Variants in DPP10 observed in about 807,000 individuals in gnomAD.
DPP10 encodes the protein dipeptidyl peptidase like 10.
A neutral mutation model predicts 120.9 loss-of-function variants in DPP10; 33 were observed. That is an observed-to-expected ratio of 0.27 (90% CI 0.21 to 0.37). The LOEUF (loss-of-function observed/expected upper bound fraction) is 0.37. Among genes scored for constraint, DPP10 ranks in the 10% least tolerant of loss-of-function variants. The pLI, the probability that DPP10 is intolerant of heterozygous loss-of-function variation, is 1.00. For missense variants in DPP10, 816 were observed against 942.8 expected (o/e 0.87, Z 1.76); for synonymous variants, 337 against 326.1 (o/e 1.03, Z -0.36).
intron 1 of DPP10, among the ~76,000 whole-genome samples, chr2:115,239,961 C>T (rs2058193662): frequency 1.3e-5 from 2 of 152,160 alleles, no homozygotes; most frequent in Non-Finnish European, 2.9e-5. Context: ...CATAGTATTC[C>T]ATGGTGAATA....
Position 115,770,244 on chromosome 2 carries a change from C to T in DPP10, c.1221+1840C>T, listed in dbSNP as rs1276843665. Among the ~76,000 whole-genome samples the T allele has an allele frequency of 1.3e-5, 2 of 152,104 alleles. 1 individual carries two copies. Among genetic ancestry groups the T allele is most frequent in the South Asian group, 4.1e-4 (2 of 4,828 alleles). Reference sequence around the variant, plus strand: ...ACATGCAGGAATTAAAATATTTATACACCCAAACCAAGAATTTTTTTATAA... The same window carrying T: ...ACATGCAGGAATTAAAATATTTATATACCCAAACCAAGAATTTTTTTATAA... On this transcript the variant is annotated intron_variant, in intron 13 of 25. Coordinates refer to ENST00000410059, the MANE Select transcript of DPP10 (RefSeq NM_020868.6).
At chr2:114,720,713 G>T (rs1701650605) in intron 1 of DPP10, among the ~76,000 whole-genome samples, 1 of 152,182 alleles carries the variant, frequency 6.6e-6, no homozygotes, top group Admixed American at 6.5e-5. Flanking sequence ...ACCCATATCT[G>T]GTTCTCCTCT....
intron 2 of DPP10, among the ~76,000 whole-genome samples, chr2:115,333,050 G>T (rs921027458): frequency 2.0e-5 from 3 of 152,042 alleles, no homozygotes; most frequent in Admixed American, 2.0e-4. Context: ...AATATTGTGT[G>T]GGAGTCTAAG....
intron 1 of DPP10, among the ~76,000 whole-genome samples, chr2:114,504,100 T>C (rs1175087757): frequency 6.6e-6 from 1 of 152,216 alleles, no homozygotes; most frequent in Non-Finnish European, 1.5e-5. Flanking sequence ...GTAGTCTTTC[T>C]ATAACTTAGG....
At chr2:114,451,240 G>C (rs1189971566) in intron 1 of DPP10, among the ~76,000 whole-genome samples, 3 of 152,020 alleles carry the variant, frequency 2.0e-5, no homozygotes, top group African/African-American at 4.8e-5. Context: ...AACAAACTCA[G>C]AACAGTTGTT....
At chr2:115,394,003 C>T (rs2067496378) in intron 3 of DPP10, among the ~76,000 whole-genome samples, 2 of 152,038 alleles carry the variant, frequency 1.3e-5, no homozygotes, top group Non-Finnish European at 2.9e-5. Context: ...AGATTGGTGC[C>T]ATGAAGTGAG....
intron 3 of DPP10, among the ~76,000 whole-genome samples, chr2:115,367,037 G>A (rs148345067): frequency 4.6e-5 from 7 of 152,064 alleles, no homozygotes; most frequent in Non-Finnish European, 8.8e-5. Flanking sequence ...GCAATTTGAC[G>A]TCCCTAATAG....
intron 1 of DPP10, among the ~76,000 whole-genome samples, chr2:114,656,099 CTT>C (rs893174385): frequency 6.6e-6 from 1 of 152,076 alleles, no homozygotes; most frequent in Non-Finnish European, 1.5e-5. Context: ...ATATTTGTGT[CTT>C]TGAAATTCCT....
At chr2:114,829,092 C>T (rs1451120211) in intron 1 of DPP10, among the ~76,000 whole-genome samples, 1 of 151,852 alleles carries the variant, frequency 6.6e-6, no homozygotes, top group Non-Finnish European at 1.5e-5. Context: ...TTCAAGACCA[C>T]CCTGGCCAAG....
rs187474844 is a variant in DPP10, at chr2:114,569,816, A to T, written c.60+126978A>T. Among the ~76,000 whole-genome samples the T allele has an allele frequency of 2.3e-3, 351 of 152,278 alleles. 2 individuals carry two copies. The highest frequency in any genetic ancestry group is 7.9e-3 in the African/African-American group (329 of 41,544). ...AATTTAAACTAGAGTGATAAATCACACTCACACACACACACACGTGTGCAC... is the reference window on the plus strand; with the variant it reads ...AATTTAAACTAGAGTGATAAATCACTCTCACACACACACACACGTGTGCAC... On this transcript the variant is annotated intron_variant, in intron 1 of 25. Coordinates refer to ENST00000410059, the MANE Select transcript of DPP10 (RefSeq NM_020868.6).
intron 1 of DPP10, among the ~76,000 whole-genome samples, chr2:114,940,899 T>C (rs553977860): frequency 6.6e-6 from 1 of 152,166 alleles, no homozygotes; most frequent in Non-Finnish European, 1.5e-5. Context: ...CTTGAATATA[T>C]CTCCTAAGTC....
intron 1 of DPP10, among the ~76,000 whole-genome samples, chr2:114,539,574 T>A (rs1295077210): frequency 1.3e-5 from 2 of 152,160 alleles, no homozygotes; most frequent in Non-Finnish European, 2.9e-5. Flanking sequence ...CTGCTTTCTT[T>A]TTGCTTGGCT....
intron 1 of DPP10, among the ~76,000 whole-genome samples, chr2:115,261,191 CA>C (rs1473513884): frequency 1.3e-5 from 2 of 152,176 alleles, no homozygotes; most frequent in Non-Finnish European, 1.5e-5. Context: ...TTCTAACTTG[CA>C]TCATGGAATC....
chr2:115,030,284 C>T (rs779207018), intron 1 of DPP10, among the ~76,000 whole-genome samples: 23 of 151,308 alleles, frequency 1.5e-4, no homozygotes, highest in Non-Finnish European at 2.8e-4. Flanking sequence ...TTTCATTTTG[C>T]TTTTTATTTT....
intron 1 of DPP10, among the ~76,000 whole-genome samples, chr2:114,963,773 G>A (rs575411660): frequency 6.6e-6 from 1 of 152,098 alleles, no homozygotes; most frequent in African/African-American, 2.4e-5. Flanking sequence ...GGGTCGTGTC[G>A]CAAGGGATTT....
chr2:115,242,201 T>A (rs1047513082), intron 1 of DPP10, among the ~76,000 whole-genome samples: 5 of 152,206 alleles, frequency 3.3e-5, no homozygotes, highest in Non-Finnish European at 7.3e-5. Context: ...ATCATTCTTA[T>A]GTCTTTGCAT....
chr2:115,342,248 G>T (rs2063485646), intron 2 of DPP10: 1 of 424,626 alleles, frequency 2.4e-6, no homozygotes, highest in South Asian at 1.7e-5. Flanking sequence ...ACCCAGGCTG[G>T]AGTATAGTGG....
At chr2:114,450,162 A>G (rs1678178455) in intron 1 of DPP10, among the ~76,000 whole-genome samples, 1 of 152,062 alleles carries the variant, frequency 6.6e-6, no homozygotes, top group Non-Finnish European at 1.5e-5. Context: ...TCTAGACTTG[A>G]TACTTCCTTT....
intron 1 of DPP10, among the ~76,000 whole-genome samples, chr2:114,807,888 T>G (rs1684867001): frequency 6.6e-6 from 1 of 152,206 alleles, no homozygotes; most frequent in South Asian, 2.1e-4. Context: ...TAGAATTACC[T>G]GGAGTCTTCC....
Sources: gnomAD v4.1 joint callset for allele counts (sites outside exome capture counted in the v4.1 genomes callset) on GRCh38, gnomAD v4.1.1 for gene constraint, MANE v1.5 for transcripts, NCBI Gene and HGNC (gene_info 2026-07-23, HGNC 2026-07-21) for gene names.